The following DPP6 variants were observed in gnomAD, a reference collection of about 807,000 sequenced individuals.
The protein encoded by DPP6 is dipeptidyl peptidase like 6.
DPP6 carries 69 observed loss-of-function variants against 122.6 expected under a neutral mutation model. That is an observed-to-expected ratio of 0.56 (90% CI 0.46 to 0.69). The LOEUF is 0.69. Among genes scored for constraint, DPP6 ranks in the 30% least tolerant of loss-of-function variants. The probability of loss-of-function intolerance (pLI) is 0.00; values close to 1 mark genes in which losing one functional copy is unlikely to be tolerated. For synonymous variants in DPP6, 418 were observed against 433.1 expected, an observed-to-expected ratio of 0.97 and a Z score of 0.43; for missense variants, 928 against 1,116.9, an observed-to-expected ratio of 0.83 and a Z score of 2.41.
intron 3 of DPP6, among the ~76,000 whole-genome samples, chr7:154,498,448 C>G (rs954138349): frequency 6.6e-5 from 10 of 152,164 alleles, no homozygotes; most frequent in African/African-American, 2.4e-4. Context: ...AAGCGATTCT[C>G]TGCCTCAGCT....
intron 1 of DPP6, among the ~76,000 whole-genome samples, chr7:154,061,054 G>C (rs1227547368): frequency 1.6e-4 from 23 of 141,784 alleles, no homozygotes; most frequent in East Asian, 6.1e-4. Context: ...TGGGATTTAC[G>C]ATCCGACGGG....
intron 2 of DPP6, among the ~76,000 whole-genome samples, chr7:154,463,355 G>A (rs57814385): frequency 0.36 from 54,760 of 150,876 alleles, 11,079 homozygotes; most frequent in East Asian, 0.46. Context: ...CTACAGGCGC[G>A]CGCCACCACG....
At chr7:154,367,630 G>T (rs1468706236) in intron 1 of DPP6, among the ~76,000 whole-genome samples, 1 of 152,136 alleles carries the variant, frequency 6.6e-6, no homozygotes, top group Non-Finnish European at 1.5e-5. Flanking sequence ...TATTACTAGA[G>T]TCTCATTTTT....
intron 1 of DPP6, among the ~76,000 whole-genome samples, chr7:154,437,033 C>T (rs1303172266): frequency 1.3e-5 from 2 of 152,292 alleles, no homozygotes; most frequent in South Asian, 2.1e-4. Flanking sequence ...ACATGGAATA[C>T]ACCACTCTGG....
chr7:154,301,443 T>C (rs1363753842), intron 1 of DPP6, among the ~76,000 whole-genome samples: 3 of 152,192 alleles, frequency 2.0e-5, no homozygotes, highest in Non-Finnish European at 2.9e-5. Context: ...ATAATACTTA[T>C]AGATGCTGCT....
At chr7:153,778,288 G>T in the DPP6 span, among the ~76,000 whole-genome samples, 1 of 151,848 alleles carries the variant, frequency 6.6e-6, no homozygotes, top group Non-Finnish European at 1.5e-5. Context: ...GGTGGTATCC[G>T]TGTGAACTCA....
chr7:154,584,866 G>A (rs186925962), intron 5 of DPP6, among the ~76,000 whole-genome samples: 15 of 152,298 alleles, frequency 9.8e-5, no homozygotes, highest in African/African-American at 2.9e-4. Flanking sequence ...CATTTTAAAT[G>A]TCTTCCTGAT....
At chr7:153,956,442 C>A (rs1022306254) in intron 1 of DPP6, among the ~76,000 whole-genome samples, 2 of 152,214 alleles carry the variant, frequency 1.3e-5, no homozygotes, top group Non-Finnish European at 2.9e-5. Context: ...ATGATAGCAT[C>A]TCGGCTTACA....
chr7:154,443,822 G>C (rs1323141224), intron 1 of DPP6, among the ~76,000 whole-genome samples: 2 of 152,234 alleles, frequency 1.3e-5, no homozygotes, highest in African/African-American at 4.8e-5. Context: ...GATCTCCAAA[G>C]TATGCATGTG....
rs1215901082 is a variant in DPP6 at position 154,052,634 on chromosome 7, C to T, written c.-187C>T. 1.7e-4 allele frequency: 213 copies of T among 1,268,460 alleles called. No homozygotes were observed. Among genetic ancestry groups the T allele is most frequent in the Non-Finnish European group, 2.1e-4 (205 of 997,842 alleles). The allele number at this position is 1,268,460 out of a possible 1,614,324, so 78.6% of individuals were successfully genotyped here. On this transcript the variant is annotated 5_prime_UTR_variant, in exon 1 of 26. Coordinates refer to ENST00000377770, the MANE Select transcript of DPP6 (RefSeq NM_130797.4). This position sits in a 1 kb window ranked among gnomAD's most constrained non-coding sequence, Gnocchi z 4.8. ...AGGCTGAGCCAGGCAGAGTCGCCAG[C>T]GGAGACTCGCGAGTGGCGCGCGGGA...
chr7:154,721,041 G>A (rs1841777923), intron 7 of DPP6, among the ~76,000 whole-genome samples: 1 of 152,218 alleles, frequency 6.6e-6, no homozygotes, highest in East Asian at 1.9e-4. Context: ...TTCTGTATGG[G>A]TCTCATGAGT....
chr7:154,172,258 G>T (rs916126487), intron 1 of DPP6, among the ~76,000 whole-genome samples: 1 of 152,066 alleles, frequency 6.6e-6, no homozygotes, highest in Non-Finnish European at 1.5e-5. Flanking sequence ...TTATGTTGAC[G>T]AGAAGGAAAG....
intron 1 of DPP6, among the ~76,000 whole-genome samples, chr7:153,962,332 C>G (rs553122381): frequency 6.6e-6 from 1 of 152,286 alleles, no homozygotes; most frequent in African/African-American, 2.4e-5. Context: ...CTAGTGACTC[C>G]TTCTTCCTTT....
At chr7:154,526,774 G>T (rs550711473) in intron 3 of DPP6, among the ~76,000 whole-genome samples, 2 of 152,096 alleles carry the variant, frequency 1.3e-5, no homozygotes, top group African/African-American at 2.4e-5. Flanking sequence ...AGAGCCAAAG[G>T]AAAAATCACT....
chr7:154,867,747 G>A lies in DPP6; in HGVS notation c.1715-248G>A, dbSNP rs1804007972. On this transcript the variant is annotated intron_variant, in intron 17 of 25. Transcript: ENST00000377770. ...AGAACAAAAACCTCTGGTGGGGGAA[G>A]GAGAAAGCCTAAGACGGTGGGGAGA... Among the ~76,000 whole-genome samples the A allele has an allele frequency of 2.0e-5, 3 of 152,332 alleles. No individual in the cohort carries two copies. In the South Asian group the frequency reaches 6.2e-4, roughly 32 times the overall value.
At chr7:153,967,769 G>T (rs39164) in intron 1 of DPP6, among the ~76,000 whole-genome samples, 1 of 151,798 alleles carries the variant, frequency 6.6e-6, no homozygotes, top group African/African-American at 2.4e-5. Context: ...ATGAGCTCAC[G>T]TCTAGGGTTG....
intron 1 of DPP6, among the ~76,000 whole-genome samples, chr7:154,098,664 G>A (rs1225831016): frequency 6.6e-6 from 1 of 151,614 alleles, no homozygotes; most frequent in Non-Finnish European, 1.5e-5. Context: ...ATCTCTTTAT[G>A]TTACTGAGGG....
intron 1 of DPP6, among the ~76,000 whole-genome samples, chr7:154,017,887 A>C (rs1798504006): frequency 1.3e-5 from 2 of 152,030 alleles, no homozygotes; most frequent in African/African-American, 4.8e-5. Flanking sequence ...ATAAGATGAA[A>C]TAAGGAATTC....
At chr7:154,389,609 G>A (rs1195710102) in intron 1 of DPP6, among the ~76,000 whole-genome samples, 1 of 152,094 alleles carries the variant, frequency 6.6e-6, no homozygotes, top group Non-Finnish European at 1.5e-5. Flanking sequence ...ATTTATTTTA[G>A]TGCCTAAATA....
Sources: allele counts gnomAD v4.1 joint callset (sites outside exome capture counted in the v4.1 genomes callset), GRCh38; gene constraint gnomAD v4.1.1; non-coding constraint Gnocchi (gnomAD v3.1); transcripts MANE v1.5; gene names NCBI Gene and HGNC (gene_info 2026-07-23, HGNC 2026-07-21).